The following CTNNA3 variants were observed in gnomAD, a reference collection of about 807,000 sequenced individuals.
CTNNA3 encodes catenin alpha 3.
CTNNA3 carries 76 observed loss-of-function variants against 95.7 expected under a neutral mutation model. The observed-to-expected ratio is 0.79, with a 90% CI of 0.66 to 0.96. The LOEUF is 0.96. CTNNA3 is among the 40% of genes least tolerant of loss of function. The probability of loss-of-function intolerance (pLI) is 0.00; values close to 1 mark genes in which losing one functional copy is unlikely to be tolerated. For missense variants in CTNNA3, 1,191 were observed against 1,089.8 expected (o/e 1.09, Z -1.31); for synonymous variants, 431 against 374.4 (o/e 1.15, Z -1.74).
intron 5 of CTNNA3, among the ~76,000 whole-genome samples, chr10:67,315,895 T>A (rs1180700878): frequency 6.6e-6 from 1 of 152,144 alleles, no homozygotes; most frequent in Non-Finnish European, 1.5e-5. Flanking sequence ...AGCCTCTACA[T>A]AACTTTCAAA....
chr10:67,436,612 A>C (rs957806071), intron 5 of CTNNA3, among the ~76,000 whole-genome samples: 1 of 152,200 alleles, frequency 6.6e-6, no homozygotes, highest in African/African-American at 2.4e-5. Flanking sequence ...CAATGAATTC[A>C]AACAAATCAA....
At chr10:67,156,689 T>C (rs74565512) in intron 7 of CTNNA3, among the ~76,000 whole-genome samples, 4,056 of 152,242 alleles carry the variant, frequency 0.027, 71 homozygotes, top group Non-Finnish European at 0.045. Context: ...TTGTTGATAC[T>C]TGTTTTGTAA....
At chr10:66,291,345 G>A (rs1235500530) in intron 12 of CTNNA3, among the ~76,000 whole-genome samples, 1 of 152,140 alleles carries the variant, frequency 6.6e-6, no homozygotes, top group East Asian at 1.9e-4. Context: ...GCCCATTAAG[G>A]CCCCACCCAT....
At chr10:67,377,013 A>G (rs1843718307) in intron 5 of CTNNA3, among the ~76,000 whole-genome samples, 1 of 152,238 alleles carries the variant, frequency 6.6e-6, no homozygotes, top group South Asian at 2.1e-4. Flanking sequence ...TATTTGGCTT[A>G]TATTTAAAAT....
intron 7 of CTNNA3, among the ~76,000 whole-genome samples, chr10:67,088,578 C>T (rs1247990710): frequency 2.0e-5 from 3 of 151,934 alleles, no homozygotes; most frequent in Admixed American, 2.0e-4. Context: ...ACCCATAAAG[C>T]TACCAAAATT....
At chr10:66,280,749 T>TA (rs1265532292) in intron 12 of CTNNA3, 128 bp from the exon 13 acceptor site, 2 of 617,518 alleles carry the variant, frequency 3.2e-6, no homozygotes, top group East Asian at 6.6e-5. Flanking sequence ...TTGTATTTTT[T>TA]AAATATAGAG....
chr10:66,369,392 G>A (rs1198105748), intron 12 of CTNNA3, among the ~76,000 whole-genome samples: 1 of 152,126 alleles, frequency 6.6e-6, no homozygotes, highest in Non-Finnish European at 1.5e-5. Context: ...ATGTCCACTT[G>A]TTCTGCTCTC....
At chr10:67,594,264 C>G (rs1375630157) in intron 3 of CTNNA3, among the ~76,000 whole-genome samples, 1 of 152,046 alleles carries the variant, frequency 6.6e-6, no homozygotes. Flanking sequence ...GTGTTGCTGA[C>G]CTCGTAGAAT....
At chr10:66,253,910 A>T (rs2132077973) in intron 13 of CTNNA3, among the ~76,000 whole-genome samples, 1 of 152,278 alleles carries the variant, frequency 6.6e-6, no homozygotes, top group East Asian at 1.9e-4. Context: ...TGCAAGAGGA[A>T]AAAAGAAGGA....
chr10:67,079,399 T>A (rs1389260990), intron 7 of CTNNA3, among the ~76,000 whole-genome samples: 2 of 152,186 alleles, frequency 1.3e-5, no homozygotes, highest in Admixed American at 1.3e-4. Flanking sequence ...ATCTAACAGA[T>A]GAGCAATCTA....
At chr10:67,184,367 A>C (rs1330601539) in intron 6 of CTNNA3, among the ~76,000 whole-genome samples, 1 of 151,978 alleles carries the variant, frequency 6.6e-6, no homozygotes, top group Non-Finnish European at 1.5e-5. Flanking sequence ...CTCCTTTTAC[A>C]TTTCTTTGGA....
intron 1 of CTNNA3, among the ~76,000 whole-genome samples, chr10:67,740,104 T>C (rs908347120): frequency 6.6e-6 from 1 of 152,202 alleles, no homozygotes; most frequent in Non-Finnish European, 1.5e-5. Context: ...TGGCTAGCCA[T>C]ATGTAGAAAG....
rs12250900 is a variant in CTNNA3 at position 65,965,540 on chromosome 10, G to T, written c.2400+1072C>A. Among the ~76,000 whole-genome samples, 55 of 151,596 alleles carry T rather than the reference G, an allele frequency of 3.6e-4. 1 individual carries two copies. The highest frequency in any genetic ancestry group is 4.4e-5 in the Non-Finnish European group (3 of 67,958). On this transcript the variant is annotated intron_variant, in intron 17 of 17. Coordinates refer to ENST00000433211, the MANE Select transcript of CTNNA3 (RefSeq NM_013266.4). ...GTGCCTCAGACTACTGAGTAGCTGA[G>T]ATTACAGGCATGCGCCACCACACCC...
At position 66,983,899 on chromosome 10, in the gene CTNNA3, T is replaced by C. The variant is rs189834685; in HGVS notation, c.1047+196418A>G. Among the ~76,000 whole-genome samples the C allele has an allele frequency of 7.9e-5, 12 of 152,370 alleles. No individual in the cohort carries two copies. In the East Asian group the frequency reaches 2.1e-3, roughly 27 times the overall value. On this transcript the variant is annotated intron_variant, in intron 7 of 17. Transcript: ENST00000433211. ...TTAGCACTTGCTAGGTGATAGGCTC[T>C]ATGCTAAGTCCTTTGCATGCACTAT...
At chr10:66,355,289 T>G (rs2092600285) in intron 12 of CTNNA3, among the ~76,000 whole-genome samples, 1 of 152,126 alleles carries the variant, frequency 6.6e-6, no homozygotes. Context: ...CACTATTTCA[T>G]GGATCCACCA....
intron 7 of CTNNA3, among the ~76,000 whole-genome samples, chr10:67,158,951 T>C (rs1861421890): frequency 6.6e-6 from 1 of 152,094 alleles, no homozygotes; most frequent in South Asian, 2.1e-4. Context: ...TTTTATATTG[T>C]TTTATACTCA....
intron 10 of CTNNA3, among the ~76,000 whole-genome samples, chr10:66,571,070 G>T (rs574364049): frequency 6.6e-6 from 1 of 152,088 alleles, no homozygotes; most frequent in Non-Finnish European, 1.5e-5. Flanking sequence ...TAGTAATCAA[G>T]GTAACTAACA....
chr10:66,348,544 A>C (rs922144308), intron 12 of CTNNA3, among the ~76,000 whole-genome samples: 3 of 152,148 alleles, frequency 2.0e-5, no homozygotes, highest in Admixed American at 6.5e-5. Flanking sequence ...CTTGTAGGTC[A>C]AAAAAGTTGA....
intron 10 of CTNNA3, among the ~76,000 whole-genome samples, chr10:66,530,356 A>C (rs768541690): frequency 6.6e-6 from 1 of 152,164 alleles, no homozygotes; most frequent in Non-Finnish European, 1.5e-5. Context: ...AATTCTAGCA[A>C]CTGGAGTAAT....
Sources: gnomAD v4.1 joint callset for allele counts (sites outside exome capture counted in the v4.1 genomes callset) on GRCh38, gnomAD v4.1.1 for gene constraint, MANE v1.5 for transcripts, NCBI Gene and HGNC (gene_info 2026-07-23, HGNC 2026-07-21) for gene names.